The following SYT1 variants were observed in gnomAD, a reference collection of about 807,000 sequenced individuals.
SYT1 encodes the protein synaptotagmin 1.
Under a neutral mutation model 44.8 loss-of-function variants are expected in SYT1, and 8 were observed. The observed-to-expected ratio is 0.18, with a 90% CI of 0.10 to 0.32. SYT1 has a LOEUF of 0.32. SYT1 is among the 10% of genes least tolerant of loss of function. The pLI, the probability that SYT1 is intolerant of heterozygous loss-of-function variation, is 1.00. For missense variants in SYT1, 286 were observed against 509.3 expected, an observed-to-expected ratio of 0.56 and a Z score of 4.22; for synonymous variants, 154 against 188.8, an observed-to-expected ratio of 0.82 and a Z score of 1.51.
At chr12:78,877,604 C>T (rs1304852455) in intron 1 of SYT1, among the ~76,000 whole-genome samples, 1 of 151,772 alleles carries the variant, frequency 6.6e-6, no homozygotes, top group Non-Finnish European at 1.5e-5. Context: ...TTTTCTATTT[C>T]ATTAAATAAG....
chr12:79,246,909 A>T (rs1051307889), intron 4 of SYT1, among the ~76,000 whole-genome samples: 1 of 152,216 alleles, frequency 6.6e-6, no homozygotes, highest in Admixed American at 6.5e-5. Context: ...ACCCTTGTCC[A>T]GCCCAGTGGC....
intron 3 of SYT1, among the ~76,000 whole-genome samples, chr12:79,136,793 C>A (rs1237252723): frequency 6.6e-6 from 1 of 152,074 alleles, no homozygotes; most frequent in African/African-American, 2.4e-5. Context: ...AAAATCATTT[C>A]TCTTGTGTTT....
At chr12:79,027,774 A>G (rs1438012024) in intron 2 of SYT1, among the ~76,000 whole-genome samples, 1 of 151,596 alleles carries the variant, frequency 6.6e-6, no homozygotes, top group African/African-American at 2.4e-5. Context: ...CTTTATTAAG[A>G]TACATTCTAT....
At chr12:79,282,643 T>G (rs1209893205) in intron 4 of SYT1, among the ~76,000 whole-genome samples, 1 of 151,644 alleles carries the variant, frequency 6.6e-6, no homozygotes, top group African/African-American at 2.4e-5. Context: ...ACTGAATTAT[T>G]TAATTTAATA....
chr12:78,946,409 C>T (rs1322548268), intron 1 of SYT1, among the ~76,000 whole-genome samples: 2 of 152,156 alleles, frequency 1.3e-5, no homozygotes, highest in Non-Finnish European at 2.9e-5. Flanking sequence ...AATCCCAGCA[C>T]TTTGGGATGC....
chr12:79,270,377 G>A (rs1328737992), intron 4 of SYT1, among the ~76,000 whole-genome samples: 1 of 152,158 alleles, frequency 6.6e-6, no homozygotes, highest in African/African-American at 2.4e-5. Flanking sequence ...AGACAAAATA[G>A]AGATATGTTG....
chr12:78,999,853 T>G (rs1302906328), intron 2 of SYT1, among the ~76,000 whole-genome samples: 1 of 152,164 alleles, frequency 6.6e-6, no homozygotes, highest in Admixed American at 6.5e-5. Flanking sequence ...AGAGAAAACG[T>G]TCTAATCACT....
intron 3 of SYT1, among the ~76,000 whole-genome samples, chr12:79,179,545 A>ATATATC (rs1872374230): frequency 7.5e-5 from 7 of 92,982 alleles, no homozygotes; most frequent in African/African-American, 3.3e-4. Flanking sequence ...ATAGATATAG[A>ATATATC]GATATAGATA....
chr12:79,340,527 G>A (rs989216490), intron 8 of SYT1, among the ~76,000 whole-genome samples: 2 of 147,930 alleles, frequency 1.4e-5, no homozygotes, highest in East Asian at 3.9e-4. Context: ...TTTGTATCCT[G>A]AGACTGCTGA....
chr12:79,013,244 T>C (rs1013391487), intron 2 of SYT1, among the ~76,000 whole-genome samples: 1 of 152,122 alleles, frequency 6.6e-6, no homozygotes, highest in Non-Finnish European at 1.5e-5. Context: ...GGTGTGTGTG[T>C]GTGTGTTTAC....
intron 8 of SYT1, among the ~76,000 whole-genome samples, chr12:79,313,438 C>G (rs1880906613): frequency 6.6e-6 from 1 of 152,088 alleles, no homozygotes; most frequent in Admixed American, 6.5e-5. Flanking sequence ...ACATTTGTAA[C>G]AGATAAAAAT....
intron 4 of SYT1, among the ~76,000 whole-genome samples, chr12:79,241,839 A>G (rs1165737961): frequency 1.3e-5 from 2 of 152,160 alleles, no homozygotes; most frequent in Admixed American, 6.5e-5. Flanking sequence ...AGATCGAATC[A>G]AGTTAAGGTG....
chr12:79,264,504 C>G (rs562740320), intron 4 of SYT1, among the ~76,000 whole-genome samples: 5 of 152,230 alleles, frequency 3.3e-5, no homozygotes, highest in Non-Finnish European at 7.4e-5. Context: ...ACTTCAAATA[C>G]TTGGCCAATT....
intron 3 of SYT1, among the ~76,000 whole-genome samples, chr12:79,149,361 T>C (rs1371442423): frequency 2.0e-5 from 3 of 152,116 alleles, no homozygotes; most frequent in Admixed American, 6.5e-5. Flanking sequence ...AATATGTTTT[T>C]TCTGTCAAGA....
At chr12:78,954,206 CAT>C (rs1486382461) in intron 1 of SYT1, among the ~76,000 whole-genome samples, 2 of 152,030 alleles carry the variant, frequency 1.3e-5, no homozygotes, top group African/African-American at 2.4e-5. Flanking sequence ...AGGGTTGACA[CAT>C]GTTTTCTTTT....
intron 3 of SYT1, among the ~76,000 whole-genome samples, chr12:79,081,099 C>G (rs1877001062): frequency 6.6e-6 from 1 of 152,028 alleles, no homozygotes; most frequent in Admixed American, 6.6e-5. Context: ...AAGTTTGGGA[C>G]TGAAAAGATT....
intron 1 of SYT1, among the ~76,000 whole-genome samples, chr12:78,921,778 T>A (rs1196382104): frequency 6.6e-6 from 1 of 151,916 alleles, no homozygotes; most frequent in Non-Finnish European, 1.5e-5. Flanking sequence ...TATTTACTAG[T>A]TTTGTCTGGT....
At chr12:79,249,962 G>T (rs990427597) in intron 4 of SYT1, among the ~76,000 whole-genome samples, 4 of 152,008 alleles carry the variant, frequency 2.6e-5, no homozygotes, top group Non-Finnish European at 5.9e-5. Flanking sequence ...AAAAAAATAG[G>T]GTTGGGTCTG....
chr12:79,134,312 A>G (rs983943505), intron 3 of SYT1, among the ~76,000 whole-genome samples: 5 of 152,208 alleles, frequency 3.3e-5, no homozygotes, highest in Admixed American at 1.3e-4. Context: ...AGAAAAGGAG[A>G]CCTGACAATT....
Sources: gnomAD v4.1 joint callset for allele counts (sites outside exome capture counted in the v4.1 genomes callset) on GRCh38, gnomAD v4.1.1 for gene constraint, MANE v1.5 for transcripts, NCBI Gene and HGNC (gene_info 2026-07-23, HGNC 2026-07-21) for gene names.